Variants in SLCO4A1 observed in about 807,000 individuals in gnomAD.
The protein encoded by SLCO4A1 is colon organic anion transporter.
SLCO4A1 carries 51 observed loss-of-function variants against 64.6 expected under a neutral mutation model. The observed-to-expected ratio is 0.79, with a 90% CI of 0.63 to 1.00. The LOEUF is 1.00. SLCO4A1 is among the 50% of genes least tolerant of loss of function. SLCO4A1 has a pLI of 0.00. For missense variants in SLCO4A1, 919 were observed against 980.5 expected (o/e 0.94, Z 0.84); for synonymous variants, 471 against 444.9 (o/e 1.06, Z -0.74).
intron 11 of SLCO4A1, among the ~76,000 whole-genome samples, chr20:62,670,845 C>T (rs1987115230): frequency 6.6e-6 from 1 of 152,244 alleles, no homozygotes; most frequent in Non-Finnish European, 1.5e-5. Flanking sequence ...TCCACTTTGT[C>T]CTGCACCGAG....
chr20:62,646,945 C>G (rs907201119), intron 1 of SLCO4A1, among the ~76,000 whole-genome samples: 3 of 152,216 alleles, frequency 2.0e-5, no homozygotes, highest in African/African-American at 7.2e-5. Flanking sequence ...AGACTGGGTG[C>G]AAGCAGGTTG....
At position 62,645,867 on chromosome 20, in the gene SLCO4A1, T is replaced by A. The variant is rs1206996623; in HGVS notation, c.-97+3314T>A. 6.6e-6 allele frequency among the ~76,000 whole-genome samples: 1 copy of A among 152,022 alleles called. No individual in the cohort carries two copies. The highest frequency in any genetic ancestry group is 1.5e-5 in the Non-Finnish European group (1 of 67,984). ...CAAGCCTTGGGGGGCACCTGAGGCA[T>A]TGCCCCTCTGGCCCAAGCCGCAGGG... On this transcript the variant is annotated intron_variant, in intron 1 of 11. Coordinates refer to ENST00000217159, the MANE Select transcript of SLCO4A1 (RefSeq NM_016354.4). This position sits in a 1 kb window ranked among gnomAD's most constrained non-coding sequence, Gnocchi z 4.2.
At chr20:62,658,588 G>T in intron 2 of SLCO4A1, 89 bp from the exon 3 acceptor site, 1 of 1,009,626 alleles carries the variant, frequency 9.9e-7, no homozygotes, top group Non-Finnish European at 1.5e-6. Context: ...TGGCGGGTGC[G>T]GGGCTTCTCC....
downstream of SLCO4A1, among the ~76,000 whole-genome samples, chr20:62,687,975 C>G (rs1003835324): frequency 2.0e-5 from 3 of 151,974 alleles, no homozygotes; most frequent in Admixed American, 1.3e-4. Context: ...GCCTTACCCA[C>G]CCCCACCAGC....
chr20:62,686,474 G>T (rs751331131), downstream of SLCO4A1, among the ~76,000 whole-genome samples: 1 of 152,184 alleles, frequency 6.6e-6, no homozygotes, highest in Non-Finnish European at 1.5e-5. Flanking sequence ...AGACACTGGC[G>T]CCAGGAGCGG....
Position 62,672,018 on chromosome 20 carries a change from G to A in SLCO4A1, c.*125G>A, listed in dbSNP as rs767057700. On this transcript the variant is annotated 3_prime_UTR_variant, in exon 12 of 12. Transcript: ENST00000217159. Reference sequence around the variant, plus strand: ...CCTGCAACCTTCTACTTAACCTGTGGTTTAAAGTCGGCTGTGACCTCCTGT... The same window carrying A: ...CCTGCAACCTTCTACTTAACCTGTGATTTAAAGTCGGCTGTGACCTCCTGT... The A allele has an allele frequency of 4.9e-5, 77 of 1,575,776 alleles. No individual in the cohort carries two copies. The highest frequency in any genetic ancestry group is 6.1e-5 in the Non-Finnish European group (71 of 1,166,970).
In SLCO4A1 at chr20:62,668,040, A is replaced by G. The variant is rs779316911; in HGVS notation, c.1667A>G (p.Gln556Arg). 1 of 1,613,938 alleles carries G rather than the reference A, an allele frequency of 6.2e-7. No individual in the cohort carries two copies. Among genetic ancestry groups the G allele is most frequent in the Non-Finnish European group, 8.5e-7 (1 of 1,180,048 alleles). The stretch of plus-strand genomic sequence containing the variant: ...TACCGAGACTGTAGCTGTATCCCTC[A>G]GAATCTTTCCTCTGGTTTTGGCCAT... ...KVYRDCSCIP[Q>R]NLSSGFGHAT... The change falls in exon 9 of 12, where the codon CAG becomes CGG. Residue 556 changes from glutamine to arginine, a missense_variant. Physicochemically the swap from Gln to Arg is conservative, Grantham distance 43. Coordinates refer to ENST00000217159, the MANE Select transcript of SLCO4A1 (RefSeq NM_016354.4).
At chr20:62,660,844 G>C (rs1422789115) in intron 4 of SLCO4A1, among the ~76,000 whole-genome samples, 1 of 151,712 alleles carries the variant, frequency 6.6e-6, no homozygotes, top group African/African-American at 2.4e-5. Flanking sequence ...CCCACTTTGG[G>C]CCCCAGCTCT....
downstream of SLCO4A1, among the ~76,000 whole-genome samples, chr20:62,673,973 G>A (rs567945663): frequency 6.6e-6 from 1 of 152,350 alleles, no homozygotes; most frequent in Admixed American, 6.5e-5. Context: ...CCGCTCACCT[G>A]TTCTCCATGG....
downstream of SLCO4A1, among the ~76,000 whole-genome samples, chr20:62,686,708 G>C (rs1458860780): frequency 6.6e-6 from 1 of 152,242 alleles, no homozygotes; most frequent in African/African-American, 2.4e-5. Context: ...GTCTGAATTA[G>C]TATATCAGCT....
chr20:62,657,284 G>T, intron 2 of SLCO4A1, 34 bp downstream of exon 2: 1 of 1,484,558 alleles, frequency 6.7e-7, no homozygotes, highest in South Asian at 1.3e-5. Flanking sequence ...TGCTGGCAGG[G>T]GTGGCTGAGG....
intron 5 of SLCO4A1, among the ~76,000 whole-genome samples, chr20:62,662,445 AC>A (rs1460288955): frequency 6.6e-6 from 1 of 152,104 alleles, no homozygotes; most frequent in Non-Finnish European, 1.5e-5. Context: ...GGACCTAGGA[AC>A]CCTGGGGCTC....
At chr20:62,669,146 G>C (rs1001333292) in intron 11 of SLCO4A1, 68 bp downstream of exon 11, 8 of 1,487,980 alleles carry the variant, frequency 5.4e-6, no homozygotes, top group Middle Eastern at 1.7e-4. Context: ...AACATGCCGC[G>C]ATCTTCCAGC....
intron 1 of SLCO4A1, among the ~76,000 whole-genome samples, chr20:62,646,259 C>T (rs1981308717): frequency 6.6e-6 from 1 of 152,116 alleles, no homozygotes; most frequent in South Asian, 2.1e-4. Context: ...GGAGGGAGGT[C>T]CTGGGCATCC....
intron 2 of SLCO4A1, among the ~76,000 whole-genome samples, chr20:62,677,935 G>A (rs1453168285): frequency 6.6e-6 from 1 of 152,266 alleles, no homozygotes; most frequent in Non-Finnish European, 1.5e-5. Flanking sequence ...CCCCTTAGGG[G>A]AGGGAATCAG....
At chr20:62,677,592 G>T (rs1356571344) in intron 2 of SLCO4A1, among the ~76,000 whole-genome samples, 1 of 152,172 alleles carries the variant, frequency 6.6e-6, no homozygotes, top group East Asian at 1.9e-4. Flanking sequence ...AGGCAGGAAG[G>T]GGGCGTAGAG....
Position 62,647,004 on chromosome 20 carries a change from C to A in SLCO4A1, c.-97+4451C>A, listed in dbSNP as rs577223995. 1.9e-4 allele frequency among the ~76,000 whole-genome samples: 29 copies of A among 152,386 alleles called. 1 individual carries two copies. The South Asian group carries it at 5.8e-3, about 30-fold the overall frequency. On this transcript the variant is annotated intron_variant, in intron 1 of 11. Transcript: ENST00000217159. ...CCCTGCTGCCGCACCCTGGCTCCCT[C>A]TTGCTCAGACAATCCTTCATTGTCG...
intron 1 of SLCO4A1, among the ~76,000 whole-genome samples, chr20:62,654,992 C>A (rs543980998): frequency 6.6e-6 from 1 of 152,186 alleles, no homozygotes; most frequent in Non-Finnish European, 1.5e-5. Flanking sequence ...ATATGGACAC[C>A]GGTCAGATTG....
At position 62,662,378 on chromosome 20, in the gene SLCO4A1, G is replaced by A. The variant is rs367705734; in HGVS notation, c.1121+1203G>A. Among the ~76,000 whole-genome samples, 42 of 152,212 alleles carry A rather than the reference G, an allele frequency of 2.8e-4. No homozygotes were observed. The South Asian group carries it at 7.5e-3, about 27-fold the overall frequency. ...TCTCTCCTCCACCCAGCAGCAGAGC[G>A]GCTTAGAGCTGAGGGTCAGGCGCCC... On this transcript the variant is annotated intron_variant, in intron 5 of 11. Coordinates refer to ENST00000217159, the MANE Select transcript of SLCO4A1 (RefSeq NM_016354.4).
Sources: allele counts gnomAD v4.1 joint callset (sites outside exome capture counted in the v4.1 genomes callset), GRCh38; gene constraint gnomAD v4.1.1; non-coding constraint Gnocchi (gnomAD v3.1); transcripts MANE v1.5; gene names NCBI Gene and HGNC (gene_info 2026-07-23, HGNC 2026-07-21).